The following ELAPOR1 variants were observed in gnomAD, a reference collection of about 807,000 sequenced individuals.
ELAPOR1 encodes endosome-lysosome associated apoptosis and autophagy regulator 1.
A neutral mutation model predicts 119.7 loss-of-function variants in ELAPOR1; 77 were observed. The ratio of observed to expected loss-of-function variants is 0.64; its 90% CI spans 0.54 to 0.78. ELAPOR1 has a LOEUF of 0.78. ELAPOR1 is among the 30% of genes least tolerant of loss of function. The probability of loss-of-function intolerance (pLI) is 0.00; values close to 1 mark genes in which losing one functional copy is unlikely to be tolerated. For synonymous variants in ELAPOR1, 481 were observed against 487.2 expected (o/e 0.99, Z 0.17); for missense variants, 1,115 against 1,270.4 (o/e 0.88, Z 1.86).
chr1:109,136,371 G>A (rs539949715), intron 1 of ELAPOR1, among the ~76,000 whole-genome samples: 1 of 152,320 alleles, frequency 6.6e-6, no homozygotes, highest in South Asian at 2.1e-4. Flanking sequence ...AATCAAGGAT[G>A]GCTGGCTGTC....
At chr1:109,151,028 G>A (rs570415138) in intron 1 of ELAPOR1, among the ~76,000 whole-genome samples, 41 of 152,242 alleles carry the variant, frequency 2.7e-4, no homozygotes, top group African/African-American at 6.7e-4. Context: ...GCATCTGGCC[G>A]TATATGGGCA....
chr1:109,149,079 A>G (rs1050823079), intron 1 of ELAPOR1, among the ~76,000 whole-genome samples: 2 of 152,148 alleles, frequency 1.3e-5, no homozygotes, highest in African/African-American at 2.4e-5. Context: ...TAGGGGAGAA[A>G]AAGTGGAAAA....
intron 11 of ELAPOR1, among the ~76,000 whole-genome samples, chr1:109,190,955 G>A (rs139708004): frequency 1.1e-4 from 16 of 152,292 alleles, no homozygotes; most frequent in East Asian, 1.9e-4. Flanking sequence ...CCTGGGAATC[G>A]TATTAACATG....
intron 7 of ELAPOR1, 108 bp downstream of exon 7, chr1:109,173,945 A>G: frequency 1.7e-6 from 2 of 1,181,218 alleles, no homozygotes; most frequent in Non-Finnish European, 2.4e-6. Flanking sequence ...GAGGATGGTA[A>G]TTCTTAAACC....
intron 1 of ELAPOR1, among the ~76,000 whole-genome samples, chr1:109,117,181 G>C (rs1222670805): frequency 6.6e-6 from 1 of 152,218 alleles, no homozygotes; most frequent in Non-Finnish European, 1.5e-5. Context: ...CTAAACTGAA[G>C]TGGCAAAGTG....
At chr1:109,166,328 C>T (rs868839304) in intron 3 of ELAPOR1, among the ~76,000 whole-genome samples, 1 of 152,210 alleles carries the variant, frequency 6.6e-6, no homozygotes, top group Admixed American at 6.5e-5. Context: ...GCTGGGATTA[C>T]AGGCATGGGC....
chr1:109,133,582 C>T (rs1475957173), intron 1 of ELAPOR1, among the ~76,000 whole-genome samples: 4 of 152,028 alleles, frequency 2.6e-5, no homozygotes, highest in Admixed American at 1.3e-4. Flanking sequence ...CAGTATCTAC[C>T]GAGATTATTA....
chr1:109,197,688 A>AGAGAGAGAGAGTGTGTGT, intron 16 of ELAPOR1, 34 bp downstream of exon 16: 1 of 1,365,692 alleles, frequency 7.3e-7, no homozygotes, highest in East Asian at 2.5e-5. Flanking sequence ...CTTGTTTGAG[A>AGAGAGAGAGAGTGTGTGT]GTGTGTGTGT....
At chr1:109,194,628 A>T in intron 15 of ELAPOR1, 34 bp downstream of exon 15, 1 of 1,595,960 alleles carries the variant, frequency 6.3e-7, no homozygotes, top group Non-Finnish European at 8.6e-7. Flanking sequence ...TGAAAATTGA[A>T]TGGGGGAGGC....
At chr1:109,125,077 C>G (rs1648685505) in intron 1 of ELAPOR1, among the ~76,000 whole-genome samples, 1 of 152,102 alleles carries the variant, frequency 6.6e-6, no homozygotes, top group African/African-American at 2.4e-5. Context: ...TACAGGTGCC[C>G]ACCAACATGC....
At chr1:109,161,432 A>G (rs1040973999) in intron 1 of ELAPOR1, among the ~76,000 whole-genome samples, 7 of 151,478 alleles carry the variant, frequency 4.6e-5, no homozygotes, top group African/African-American at 1.7e-4. Flanking sequence ...AAAAAAAAAA[A>G]AGAAACACAG....
intron 12 of ELAPOR1, 85 bp downstream of exon 12, chr1:109,191,556 C>CA: frequency 7.2e-7 from 1 of 1,386,638 alleles, no homozygotes; most frequent in Non-Finnish European, 1.0e-6. Context: ...ACGTGACTGA[C>CA]ACCCCCCCTT....
chr1:109,202,792 G>C, intron 21 of ELAPOR1, 152 bp from the exon 22 acceptor site: 1 of 789,418 alleles, frequency 1.3e-6, no homozygotes, highest in African/African-American at 1.7e-5. Context: ...GGAGCAAGCA[G>C]AATAGAGGGT....
intron 1 of ELAPOR1, among the ~76,000 whole-genome samples, chr1:109,160,668 T>A (rs1473231184): frequency 6.6e-6 from 1 of 152,192 alleles, no homozygotes; most frequent in Non-Finnish European, 1.5e-5. Flanking sequence ...GGCTATCACG[T>A]GGGTTAAAGG....
intron 1 of ELAPOR1, among the ~76,000 whole-genome samples, chr1:109,155,507 A>G (rs1203611941): frequency 6.6e-6 from 1 of 152,164 alleles, no homozygotes. Context: ...AATGTAGAAG[A>G]ACAGACATAT....
chr1:109,175,248 G>A (rs12072961), intron 7 of ELAPOR1, among the ~76,000 whole-genome samples: 24,116 of 151,380 alleles, frequency 0.16, 2,135 homozygotes, highest in Middle Eastern at 0.23. Context: ...AAGCTGGAGT[G>A]CTCGAATGCA....
At chr1:109,149,195 G>A (rs1650372797) in intron 1 of ELAPOR1, among the ~76,000 whole-genome samples, 1 of 152,162 alleles carries the variant, frequency 6.6e-6, no homozygotes, top group African/African-American at 2.4e-5. Flanking sequence ...GCTAACTGCT[G>A]AGGATTATCA....
intron 1 of ELAPOR1, among the ~76,000 whole-genome samples, chr1:109,140,695 G>A (rs539172367): frequency 1.6e-4 from 24 of 152,276 alleles, no homozygotes; most frequent in African/African-American, 4.1e-4. Context: ...CAAGGGCACC[G>A]CTCCTGGCTT....
rs138980173 is a variant in ELAPOR1 at position 109,140,775 on chromosome 1, A to G, written c.154-21119A>G. On this transcript the variant is annotated intron_variant, in intron 1 of 21. Coordinates refer to ENST00000369939, the MANE Select transcript of ELAPOR1 (RefSeq NM_020775.5). The stretch of plus-strand genomic sequence containing the variant: ...CAATGCTGAGACTGGTATTTTATTA[A>G]GTGTCCAGAATTTATGAAATATTTT... Among the ~76,000 whole-genome samples, 1,191 of 152,360 alleles carry G rather than the reference A, an allele frequency of 7.8e-3. 8 individuals are homozygous for G. The highest frequency in any genetic ancestry group is 0.029 in the South Asian group (140 of 4,828).
Sources: gnomAD v4.1 joint callset for allele counts (sites outside exome capture counted in the v4.1 genomes callset) on GRCh38, gnomAD v4.1.1 for gene constraint, MANE v1.5 for transcripts, NCBI Gene and HGNC (gene_info 2026-07-23, HGNC 2026-07-21) for gene names.